Variants in MCUB observed in about 807,000 individuals in gnomAD.
The protein encoded by MCUB is calcium uniporter regulatory subunit MCUb, mitochondrial.
Under a neutral mutation model 41.4 loss-of-function variants are expected in MCUB, and 46 were observed. The ratio of observed to expected loss-of-function variants is 1.11; its 90% CI spans 0.88 to 1.42. The LOEUF (loss-of-function observed/expected upper bound fraction) is 1.42, where lower values mean the gene tolerates loss of function less well. Among genes scored for constraint, MCUB ranks in the 40% most tolerant of loss-of-function variants. MCUB has a pLI of 0.00. For synonymous variants in MCUB, 148 were observed against 148.2 expected (o/e 1.00, Z 0.01); for missense variants, 403 against 404.9 (o/e 1.00, Z 0.04).
chr4:109,570,016 G>A (rs1439812779), intron 1 of MCUB, among the ~76,000 whole-genome samples: 3 of 152,114 alleles, frequency 2.0e-5, no homozygotes, highest in Non-Finnish European at 2.9e-5. Flanking sequence ...ATAACATTTT[G>A]TCTCATGCTC....
intron 1 of MCUB, among the ~76,000 whole-genome samples, chr4:109,603,961 AAAAG>A (rs1309359734): frequency 2.0e-5 from 3 of 152,270 alleles, no homozygotes; most frequent in Middle Eastern, 3.4e-3. Context: ...AAATGTGGGG[AAAAG>A]AAAGAGAGAT....
chr4:109,582,400 A>T (rs1359853796), intron 1 of MCUB, among the ~76,000 whole-genome samples: 1 of 120,924 alleles, frequency 8.3e-6, no homozygotes, highest in East Asian at 2.9e-4. Context: ...GGGGGGAGGG[A>T]TAGCATTAGG....
intron 1 of MCUB, among the ~76,000 whole-genome samples, chr4:109,570,655 T>A (rs893505788): frequency 1.3e-5 from 2 of 152,258 alleles, no homozygotes; most frequent in Non-Finnish European, 2.9e-5. Context: ...CAGCTTCTGG[T>A]CTGTAGACTC....
intron 1 of MCUB, among the ~76,000 whole-genome samples, chr4:109,578,961 CT>C (rs1727100635): frequency 6.6e-6 from 1 of 152,168 alleles, no homozygotes; most frequent in African/African-American, 2.4e-5. Flanking sequence ...TTATATTCTA[CT>C]TTCCTTCTGT....
intron 1 of MCUB, among the ~76,000 whole-genome samples, chr4:109,631,642 C>T (rs1325131198): frequency 6.6e-6 from 1 of 152,122 alleles, no homozygotes; most frequent in Non-Finnish European, 1.5e-5. Flanking sequence ...GTTCTTTGCC[C>T]TGCTTTGTGA....
chr4:109,586,480 C>T (rs1273926995), intron 1 of MCUB, among the ~76,000 whole-genome samples: 4 of 152,152 alleles, frequency 2.6e-5, no homozygotes, highest in Non-Finnish European at 5.9e-5. Flanking sequence ...ATTCTCCGTC[C>T]AGCTTTGTTC....
chr4:109,648,060 T>C (rs1329324212), intron 1 of MCUB, among the ~76,000 whole-genome samples: 2 of 152,218 alleles, frequency 1.3e-5, no homozygotes, highest in African/African-American at 4.8e-5. Flanking sequence ...TGAAAAAGTT[T>C]ATTAATTATA....
In MCUB at chr4:109,633,353, C is replaced by T. The variant is rs56026416; in HGVS notation, c.100-25658C>T. 4.3e-3 allele frequency among the ~76,000 whole-genome samples: 648 copies of T among 151,962 alleles called. 3 individuals carry two copies. Among genetic ancestry groups the T allele is most frequent in the African/African-American group, 0.015 (618 of 41,440 alleles). On this transcript the variant is annotated intron_variant, in intron 1 of 7. Transcript: ENST00000394650. ...CGCGATCTCGGCTCACTGTAAGCTC[C>T]GCCTCCCGGGTTCACGCCATTGTCC...
chr4:109,647,428 C>T (rs1428814784), intron 1 of MCUB, among the ~76,000 whole-genome samples: 3 of 152,118 alleles, frequency 2.0e-5, no homozygotes, highest in African/African-American at 7.2e-5. Flanking sequence ...TAGTCGGAAT[C>T]ACACAGTCTG....
intron 1 of MCUB, among the ~76,000 whole-genome samples, chr4:109,601,110 A>T (rs917806255): frequency 1.5e-4 from 5 of 34,376 alleles, no homozygotes; most frequent in South Asian, 3.8e-3. Context: ...TCTTTTTTTA[A>T]AAAAAAGTAT....
Position 109,687,794 on chromosome 4 carries a change from G to A in MCUB, c.*202G>A, listed in dbSNP as rs1729884781. 1 of 552,876 alleles carries A rather than the reference G, an allele frequency of 1.8e-6. No individual in the cohort carries two copies. The highest frequency in any genetic ancestry group is 3.2e-6 in the Non-Finnish European group (1 of 316,178). 34.2% of individuals were successfully genotyped at this position (552,876 alleles called of 1,614,324 possible). ...TGCTAATGTTAGAAAGGGCTTGTAT[G>A]CGTCTATCAAAGCAACGGTGGCTGC... On this transcript the variant is annotated 3_prime_UTR_variant, in exon 8 of 8. Coordinates refer to ENST00000394650, the MANE Select transcript of MCUB (RefSeq NM_017918.5).
chr4:109,622,429 A>G (rs1346275759), intron 1 of MCUB, among the ~76,000 whole-genome samples: 1 of 152,226 alleles, frequency 6.6e-6, no homozygotes, highest in African/African-American at 2.4e-5. Context: ...TAAAATAACC[A>G]AATTATTTAT....
chr4:109,652,708 C>G (rs546092897), intron 1 of MCUB, among the ~76,000 whole-genome samples: 1 of 152,176 alleles, frequency 6.6e-6, no homozygotes, highest in Non-Finnish European at 1.5e-5. Flanking sequence ...CCTCCCAGCA[C>G]CGTTGCATTG....
chr4:109,674,579 A>G (rs1000265355), intron 4 of MCUB, among the ~76,000 whole-genome samples: 5 of 152,254 alleles, frequency 3.3e-5, no homozygotes, highest in Non-Finnish European at 5.9e-5. Flanking sequence ...CAAAAAGTGC[A>G]TGGAATATAA....
At chr4:109,633,424 C>T (rs1381804896) in intron 1 of MCUB, among the ~76,000 whole-genome samples, 1 of 133,060 alleles carries the variant, frequency 7.5e-6, no homozygotes, top group Non-Finnish European at 1.6e-5. Context: ...TGCACCACCA[C>T]GCCCAGCTAA....
Position 109,612,419 on chromosome 4 carries a change from A to G in MCUB, c.100-46592A>G, listed in dbSNP as rs185041707. ...GTAGCTGGGATTACAGGCACCTGCC[A>G]TCATGCCCGGCTAAATTTTGTATTT... On this transcript the variant is annotated intron_variant, in intron 1 of 7. Coordinates refer to ENST00000394650, the MANE Select transcript of MCUB (RefSeq NM_017918.5). Among the ~76,000 whole-genome samples the G allele has an allele frequency of 8.3e-3, 1,258 of 152,118 alleles. 16 individuals are homozygous for G. Among genetic ancestry groups the G allele is most frequent in the African/African-American group, 0.029 (1,184 of 41,460 alleles).
intron 1 of MCUB, among the ~76,000 whole-genome samples, chr4:109,575,552 G>A (rs1157946094): frequency 1.3e-5 from 2 of 152,146 alleles, no homozygotes; most frequent in African/African-American, 2.4e-5. Flanking sequence ...ATTCAATTTA[G>A]TGGGATTGTG....
chr4:109,570,978 C>T (rs1053736986), intron 1 of MCUB, among the ~76,000 whole-genome samples: 4 of 152,148 alleles, frequency 2.6e-5, no homozygotes, highest in African/African-American at 4.8e-5. Context: ...TAATGAATTC[C>T]TGTCTGAAGT....
chr4:109,627,773 TGTG>T (rs1340973400), intron 1 of MCUB, among the ~76,000 whole-genome samples: 1 of 151,752 alleles, frequency 6.6e-6, no homozygotes, highest in African/African-American at 2.4e-5. Flanking sequence ...ATTAGCCAGG[TGTG>T]GTGGTGCGCA....
Sources: allele counts gnomAD v4.1 joint callset (sites outside exome capture counted in the v4.1 genomes callset), GRCh38; gene constraint gnomAD v4.1.1; transcripts MANE v1.5; gene names NCBI Gene and HGNC (gene_info 2026-07-23, HGNC 2026-07-21).